The following HLF variants were observed in gnomAD, a reference collection of about 807,000 sequenced individuals.
HLF encodes the protein HLF transcription factor, PAR bZIP family member.
Under a neutral mutation model 22.6 loss-of-function variants are expected in HLF, and 3 were observed. That is an observed-to-expected ratio of 0.13 (90% confidence interval 0.06 to 0.34). HLF has a LOEUF of 0.34. Among genes scored for constraint, HLF ranks in the 10% least tolerant of loss-of-function variants. The pLI is 1.00. For synonymous variants in HLF, 151 were observed against 151.8 expected (o/e 0.99, Z 0.04); for missense variants, 299 against 389.2 (o/e 0.77, Z 1.95).
chr17:55,320,783 C>T lies in HLF; in HGVS notation c.792C>T (p.Asn264=). Reference sequence around the variant, plus strand: ...GGGCCTCGTTCCTGGAGAAGGAGAACTCGGCCCTCCGCCAGGAGGTGGCTG... The same window carrying T: ...GGGCCTCGTTCCTGGAGAAGGAGAATTCGGCCCTCCGCCAGGAGGTGGCTG... ...AIRASFLEKE[N]SALRQEVADL... The change falls in exon 4 of 4, where the codon AAC becomes AAT. Residue 264 remains asparagine (N), a synonymous_variant. Transcript: ENST00000226067. The surrounding 1 kb of genome is among the most constrained non-coding windows in gnomAD (Gnocchi z 4.2). The T allele has an allele frequency of 6.2e-7, 1 of 1,613,956 alleles. No individual in the cohort carries two copies. Among genetic ancestry groups the T allele is most frequent in the Non-Finnish European group, 8.5e-7 (1 of 1,179,922 alleles).
intron 2 of HLF, among the ~76,000 whole-genome samples, chr17:55,280,940 A>G (rs2080949321): frequency 6.6e-6 from 1 of 152,254 alleles, no homozygotes; most frequent in Non-Finnish European, 1.5e-5. Context: ...GGGGACAACT[A>G]GAAGTTGATC....
intron 2 of HLF, among the ~76,000 whole-genome samples, chr17:55,277,061 A>G (rs11657216): frequency 0.011 from 1,614 of 152,288 alleles, 13 homozygotes; most frequent in Non-Finnish European, 0.016. Context: ...TGGCAAGGAA[A>G]TAGTTTGAGG....
chr17:55,300,501 G>C (rs2081147599), intron 2 of HLF, among the ~76,000 whole-genome samples: 1 of 152,110 alleles, frequency 6.6e-6, no homozygotes, highest in African/African-American at 2.4e-5. Flanking sequence ...TTCTTCATCT[G>C]GGCATCTGAA....
rs113904403 is a variant in HLF, at chr17:55,320,599, C to T, written c.673-65C>T. 6.8e-7 allele frequency: 1 copy of T among 1,471,982 alleles called. No homozygotes were observed. The highest frequency in any genetic ancestry group is 9.4e-7 in the Non-Finnish European group (1 of 1,067,380). 91.2% of individuals were successfully genotyped at this position (1,471,982 alleles called of 1,614,324 possible). On this transcript the variant is annotated intron_variant, in intron 3 of 3. Transcript: ENST00000226067. The surrounding 1 kb of genome is among the most constrained non-coding windows in gnomAD (Gnocchi z 4.2). ...ATCCTGGAGCCTGCCCGTGCCCTGG[C>T]TGGCACTGGGCTTTGCTGAAATCTA... is the stretch of plus-strand genomic sequence containing the variant.
intron 1 of HLF, chr17:55,266,184 T>A (rs1449061499): frequency 6.6e-6 from 1 of 152,172 alleles, no homozygotes; most frequent in East Asian, 1.9e-4. Flanking sequence ...GGGGGAGTGG[T>A]CTCTCGGCGG....
chr17:55,283,827 C>G (rs1017052313), intron 2 of HLF: 1 of 152,310 alleles, frequency 6.6e-6, no homozygotes, highest in South Asian at 2.1e-4. Flanking sequence ...AGGGAAACTG[C>G]GTCCTCGGTA....
intron 2 of HLF, among the ~76,000 whole-genome samples, chr17:55,287,811 A>G (rs3794748): frequency 0.69 from 105,017 of 152,172 alleles, 37,470 homozygotes; most frequent in African/African-American, 0.88. Context: ...TTGACTTGCA[A>G]GTTTCCCAGA....
At chr17:55,296,151 G>T (rs1427817440) in intron 2 of HLF, among the ~76,000 whole-genome samples, 1 of 152,192 alleles carries the variant, frequency 6.6e-6, no homozygotes, top group Non-Finnish European at 1.5e-5. Flanking sequence ...ATGACATGGT[G>T]TGAATATTCC....
At position 55,268,054 on chromosome 17, in the gene HLF, C is replaced by G; in HGVS notation, c.419C>G (p.Ser140Cys). 6.3e-7 allele frequency: 1 copy of G among 1,591,358 alleles called. No individual in the cohort carries two copies. The highest frequency in any genetic ancestry group is 8.6e-7 in the Non-Finnish European group (1 of 1,169,106). ...GCACCCCTTCACCCTGGCATCCCAT[C>G]TCCGAACTGTATGCAGAGCCCCATC... is the stretch of plus-strand genomic sequence containing the variant. Reference protein sequence around the residue: ...ASAPLHPGIPSPNCMQSPIRP... With the variant: ...ASAPLHPGIPCPNCMQSPIRP... Residue 140 changes from serine to cysteine, a missense_variant, in exon 2 of 4, where the codon TCT (serine) becomes TGT (cysteine). This residue lies in a region of HLF where 224 missense variants were observed against 298.1 expected (regional missense o/e 0.75). Transcript: ENST00000226067.
At chr17:55,281,350 C>G (rs1373745560) in intron 2 of HLF, among the ~76,000 whole-genome samples, 1 of 152,010 alleles carries the variant, frequency 6.6e-6, no homozygotes, top group Non-Finnish European at 1.5e-5. Context: ...CCCGTCTCTA[C>G]GAAAAATACA....
At chr17:55,292,047 A>G (rs531374189) in intron 2 of HLF, among the ~76,000 whole-genome samples, 6 of 152,364 alleles carry the variant, frequency 3.9e-5, no homozygotes, top group Non-Finnish European at 8.8e-5. Context: ...TTTCTTGCAG[A>G]TGAACAAAGG....
chr17:55,270,318 A>C (rs1306718949), intron 2 of HLF, among the ~76,000 whole-genome samples: 2 of 152,252 alleles, frequency 1.3e-5, no homozygotes, highest in Non-Finnish European at 2.9e-5. Context: ...CTCATAGAAA[A>C]GGAAAAAAGT....
At chr17:55,270,792 C>T (rs755589283) in intron 2 of HLF, among the ~76,000 whole-genome samples, 29 of 151,986 alleles carry the variant, frequency 1.9e-4, no homozygotes, top group Admixed American at 7.2e-4. Flanking sequence ...TCCCGTGTAG[C>T]GCCACCACGC....
intron 2 of HLF, among the ~76,000 whole-genome samples, chr17:55,279,096 A>G (rs2080931027): frequency 6.6e-6 from 1 of 152,216 alleles, no homozygotes; most frequent in Admixed American, 6.5e-5. Flanking sequence ...TTTCCTCATA[A>G]AATCTAAAGC....
At chr17:55,308,831 T>G (rs959782795) in intron 2 of HLF, among the ~76,000 whole-genome samples, 6 of 152,220 alleles carry the variant, frequency 3.9e-5, no homozygotes, top group African/African-American at 1.4e-4. Context: ...CATCTGTAAT[T>G]GCTATGGGTT....
At chr17:55,317,764 C>T (rs1364821942) in intron 3 of HLF, among the ~76,000 whole-genome samples, 1 of 152,120 alleles carries the variant, frequency 6.6e-6, no homozygotes, top group East Asian at 1.9e-4. Flanking sequence ...ATGAAATGGC[C>T]CCACTAAAAA....
intron 3 of HLF, among the ~76,000 whole-genome samples, chr17:55,317,704 G>T (rs961079684): frequency 1.3e-5 from 2 of 152,184 alleles, no homozygotes; most frequent in African/African-American, 4.8e-5. Context: ...AAGGGTAGAT[G>T]GAGGAGAAGG....
intron 2 of HLF, among the ~76,000 whole-genome samples, chr17:55,310,353 G>T (rs1904773303): frequency 6.6e-6 from 1 of 152,194 alleles, no homozygotes; most frequent in Admixed American, 6.5e-5. Flanking sequence ...AAATACAGGA[G>T]AAAAAATGGC....
At chr17:55,314,644 A>T (rs1424556377) in intron 2 of HLF, among the ~76,000 whole-genome samples, 1 of 152,210 alleles carries the variant, frequency 6.6e-6, no homozygotes, top group African/African-American at 2.4e-5. Flanking sequence ...TTCTGCAAAA[A>T]TGCAAACCTC....
Sources: gnomAD v4.1 joint callset for allele counts (sites outside exome capture counted in the v4.1 genomes callset) on GRCh38, gnomAD v4.1.1 for gene constraint, gnomAD v4.1.1 regional missense constraint, Gnocchi (gnomAD v3.1) non-coding constraint, MANE v1.5 for transcripts, NCBI Gene and HGNC (gene_info 2026-07-23, HGNC 2026-07-21) for gene names.